Variants in ZNF398 observed in about 807,000 individuals in gnomAD.
The protein encoded by ZNF398 is zinc finger DNA binding protein ZER6.
In ZNF398, 18 loss-of-function variants were observed where a neutral mutation model predicts 41.9. The observed-to-expected ratio is 0.43, with a 90% CI of 0.30 to 0.64. The LOEUF is 0.64. Ranked by LOEUF, ZNF398 falls within the 30% of genes least tolerant of loss-of-function variation. ZNF398 has a pLI of 0.14. For synonymous variants in ZNF398, 260 were observed against 308.8 expected, an observed-to-expected ratio of 0.84 and a Z score of 1.66; for missense variants, 669 against 822.8, an observed-to-expected ratio of 0.81 and a Z score of 2.29.
chr7:149,175,262 GA>G (rs1213332300), intron 4 of ZNF398, among the ~76,000 whole-genome samples: 2 of 151,886 alleles, frequency 1.3e-5, no homozygotes, highest in East Asian at 1.9e-4. Context: ...CTGTGTTTGA[GA>G]AATAACTATA....
upstream of ZNF398, among the ~76,000 whole-genome samples, chr7:149,142,913 A>G (rs1271699975): frequency 2.0e-5 from 3 of 152,200 alleles, no homozygotes; most frequent in Non-Finnish European, 4.4e-5. Context: ...TATGAGCACA[A>G]GCACACTATA....
intron 4 of ZNF398, among the ~76,000 whole-genome samples, chr7:149,171,390 A>G (rs1169972527): frequency 1.3e-5 from 2 of 151,892 alleles, no homozygotes; most frequent in Non-Finnish European, 2.9e-5. Flanking sequence ...TTTTTTTGAA[A>G]TGAAGTCTTG....
chr7:149,135,346 C>T (rs1202430), intron 2 of ZNF398, among the ~76,000 whole-genome samples: 21,262 of 138,622 alleles, frequency 0.15, 1,707 homozygotes, highest in Middle Eastern at 0.24. Flanking sequence ...GCCGAGATCG[C>T]GCCACTGCAC....
Position 149,179,564 on chromosome 7 carries a change from G to A in ZNF398, c.1692G>A (p.Glu564=), listed in dbSNP as rs760742765. Residue 564 remains glutamate, a synonymous_variant, in exon 6 of 6, where the codon GAG becomes GAA. Transcript: ENST00000475153. The surrounding 1 kb of genome is among the most constrained non-coding windows in gnomAD (Gnocchi z 6.1). The part of the protein sequence containing the change: ...LMKHQRIHTG[E]RPYPCSYCGR... ...AACACCAGCGCATCCACACCGGGGA[G>A]CGGCCCTACCCCTGCTCCTACTGTG... is the stretch of plus-strand genomic sequence containing the variant. 1.9e-6 allele frequency: 3 copies of A among 1,614,094 alleles called. No individual in the cohort carries two copies. The highest frequency in any genetic ancestry group is 2.5e-6 in the Non-Finnish European group (3 of 1,180,054).
chr7:149,172,889 A>G (rs1795376728), intron 4 of ZNF398, among the ~76,000 whole-genome samples: 1 of 152,192 alleles, frequency 6.6e-6, no homozygotes, highest in Non-Finnish European at 1.5e-5. Flanking sequence ...ACTATGCTAT[A>G]CAGTCTATTA....
chr7:149,139,525 A>G (rs1267678849), intron 2 of ZNF398, among the ~76,000 whole-genome samples: 3 of 151,374 alleles, frequency 2.0e-5, no homozygotes, highest in Admixed American at 6.6e-5. Flanking sequence ...GTTCGAGACC[A>G]TCCTGGCCAA....
chr7:149,133,294 A>G (rs1826635386), intron 2 of ZNF398, among the ~76,000 whole-genome samples: 1 of 151,684 alleles, frequency 6.6e-6, no homozygotes, highest in African/African-American at 2.4e-5. Flanking sequence ...TTGTATTTTT[A>G]GTAGAGATAG....
intron 2 of ZNF398, among the ~76,000 whole-genome samples, chr7:149,162,519 A>C (rs1167773146): frequency 6.6e-6 from 1 of 152,014 alleles, no homozygotes; most frequent in Non-Finnish European, 1.5e-5. Context: ...TTATACAGAC[A>C]GGATCTCACT....
Position 149,147,582 on chromosome 7 carries a change from GC to G in ZNF398, c.-157del. On this transcript the variant is annotated 5_prime_UTR_variant, in exon 1 of 6. Transcript: ENST00000475153. The surrounding 1 kb of genome is among the most constrained non-coding windows in gnomAD (Gnocchi z 5.6). Reference sequence around the variant, plus strand: ...TCCGCCGCGTTCCTGCGCGTCCCGAGCCCCGACGGCCGCGTGAGTCCCGTCC... The same window carrying G: ...TCCGCCGCGTTCCTGCGCGTCCCGAGCCCGACGGCCGCGTGAGTCCCGTCC... The G allele has an allele frequency of 2.6e-6, 2 of 783,254 alleles. No homozygotes were observed. The highest frequency in any genetic ancestry group is 3.4e-6 in the Non-Finnish European group (2 of 592,744). The allele number at this position is 783,254 out of a possible 1,614,324, so 48.5% of individuals were successfully genotyped here. A position where few individuals can be genotyped will look rare whatever the true frequency, so the allele number is the denominator to read the frequency against.
At chr7:149,163,979 G>A (rs1047217905) in intron 2 of ZNF398, among the ~76,000 whole-genome samples, 1 of 152,108 alleles carries the variant, frequency 6.6e-6, no homozygotes, top group African/African-American at 2.4e-5. Flanking sequence ...AGGCGTGATG[G>A]TGTGCACCTG....
intron 3 of ZNF398, among the ~76,000 whole-genome samples, 197 bp downstream of exon 3, chr7:149,166,481 G>T (rs759583268): frequency 3.9e-5 from 6 of 152,226 alleles, no homozygotes; most frequent in Admixed American, 6.5e-5. Context: ...GTAGGACAGA[G>T]AATGAAGTTC....
intron 2 of ZNF398, among the ~76,000 whole-genome samples, chr7:149,136,716 C>T (rs990494927): frequency 3.3e-5 from 5 of 151,760 alleles, no homozygotes; most frequent in South Asian, 2.1e-4. Context: ...TACAGGCGCC[C>T]GCCACCACAC....
chr7:149,130,408 T>A (rs1826573092), intron 2 of ZNF398, among the ~76,000 whole-genome samples: 1 of 152,212 alleles, frequency 6.6e-6, no homozygotes. Context: ...TTCCAAGTTT[T>A]GGAATTCTGA....
At chr7:149,155,731 A>ATTTTTTTTTTTTTT (rs1235445656) in intron 2 of ZNF398, among the ~76,000 whole-genome samples, 8 of 56,924 alleles carry the variant, frequency 1.4e-4, no homozygotes, top group Admixed American at 2.2e-4. Context: ...TTTTTTTTTA[A>ATTTTTTTTTTTTTT]TTTTTTTTTT....
At position 149,154,287 on chromosome 7, in the gene ZNF398, A is replaced by G; in HGVS notation, c.367A>G (p.Arg123Gly). The stretch of plus-strand genomic sequence containing the variant: ...GAACTTGGAGAACCTGCTGCGCAAC[A>G]GGAACTTCTGGATCCTGCGGCTCCC... ...LENLENLLRN[R>G]NFWILRLPPG... The change falls in exon 2 of 6, where the codon AGG (arginine) becomes GGG (glycine). Residue 123 changes from arginine to glycine, a missense_variant. Transcript: ENST00000475153. 6.2e-7 allele frequency: 1 copy of G among 1,614,150 alleles called. No homozygotes were observed.
intron 5 of ZNF398, 98 bp downstream of exon 5, chr7:149,176,679 G>C (rs1795466791): frequency 1.4e-6 from 1 of 693,930 alleles, no homozygotes; most frequent in Non-Finnish European, 2.4e-6. Flanking sequence ...CAAATATGTG[G>C]GAGAAGAATG....
rs1386731027 is a variant in ZNF398 at position 149,162,220 on chromosome 7, C to T, written c.421-3938C>T. Among the ~76,000 whole-genome samples the T allele has an allele frequency of 3.3e-5, 5 of 151,862 alleles. No individual in the cohort carries two copies. The East Asian group carries it at 5.8e-4, about 18-fold the overall frequency. On this transcript the variant is annotated intron_variant, in intron 2 of 5. Transcript: ENST00000475153. ...TTTTTGAGTCGGAGTCTCGCTCTGT[C>T]GCCCAGGCTGGAGTGCAGTGGCGCA...
intron 1 of ZNF398, among the ~76,000 whole-genome samples, chr7:149,151,828 G>A (rs1313105472): frequency 6.2e-5 from 9 of 144,848 alleles, no homozygotes; most frequent in Middle Eastern, 3.8e-3. Flanking sequence ...GTTCTGTCGC[G>A]TAGGCTGGAG....
intron 2 of ZNF398, among the ~76,000 whole-genome samples, chr7:149,156,323 G>A (rs927910976): frequency 2.0e-5 from 3 of 151,150 alleles, no homozygotes; most frequent in Non-Finnish European, 4.4e-5. Context: ...TGGCCAACAT[G>A]ATGAAACCCC....
Sources: allele counts gnomAD v4.1 joint callset (sites outside exome capture counted in the v4.1 genomes callset), GRCh38; gene constraint gnomAD v4.1.1; non-coding constraint Gnocchi (gnomAD v3.1); transcripts MANE v1.5; gene names NCBI Gene and HGNC (gene_info 2026-07-23, HGNC 2026-07-21).